PTPRA: variants seen among roughly 807,000 people sequenced by gnomAD.
The protein encoded by PTPRA is receptor-type tyrosine-protein phosphatase alpha.
A neutral mutation model predicts 104.8 loss-of-function variants in PTPRA; 25 were observed. The observed-to-expected ratio is 0.24, with a 90% CI of 0.17 to 0.33. PTPRA has a LOEUF of 0.33. Among genes scored for constraint, PTPRA ranks in the 10% least tolerant of loss-of-function variants. PTPRA has a pLI of 1.00. For missense variants in PTPRA, 765 were observed against 1,015.3 expected, an observed-to-expected ratio of 0.75 and a Z score of 3.35; for synonymous variants, 323 against 368.9, an observed-to-expected ratio of 0.88 and a Z score of 1.43.
Position 2,986,154 on chromosome 20 carries a change from G to T in PTPRA, c.443-611G>T, listed in dbSNP as rs191852290. ...ATACCTTGGCTCAAGCAATCCACCC[G>T]CTTTGTCCTCCTAAAATGCTAGGAT... is the stretch of plus-strand genomic sequence containing the variant. On this transcript the variant is annotated intron_variant, in intron 6 of 23. Transcript: ENST00000399903. Among the ~76,000 whole-genome samples, 37 of 152,084 alleles carry T rather than the reference G, an allele frequency of 2.4e-4. No individual in the cohort carries two copies. In the East Asian group the frequency reaches 6.8e-3, roughly 28 times the overall value.
At chr20:2,953,890 C>T (rs564576913) in intron 3 of PTPRA, among the ~76,000 whole-genome samples, 24 of 151,400 alleles carry the variant, frequency 1.6e-4, no homozygotes, top group African/African-American at 5.3e-4. Context: ...CATGCACAGC[C>T]AGGGTTTTGT....
chr20:2,940,363 C>G (rs6076447), intron 2 of PTPRA, among the ~76,000 whole-genome samples: 1 of 151,314 alleles, frequency 6.6e-6, no homozygotes, highest in Admixed American at 6.6e-5. Context: ...GCTGTATCGC[C>G]TAGGCTGGAC....
chr20:2,866,787 C>T, the PTPRA span: 2 of 659,620 alleles, frequency 3.0e-6, no homozygotes, highest in Non-Finnish European at 4.9e-6. Flanking sequence ...AGACAGGATC[C>T]TCCAGACACC....
intron 9 of PTPRA, among the ~76,000 whole-genome samples, chr20:2,999,356 G>C (rs912405800): frequency 1.3e-5 from 2 of 152,090 alleles, no homozygotes; most frequent in Non-Finnish European, 2.9e-5. Context: ...TTGACAAGCT[G>C]ATTCTAAAAT....
chr20:3,021,902 AGTT>A, intron 14 of PTPRA, 149 bp from the exon 15 acceptor site: 1 of 949,926 alleles, frequency 1.1e-6, no homozygotes, highest in Non-Finnish European at 1.6e-6. Context: ...GCCACTGACT[AGTT>A]GTGAGACCTT....
At chr20:2,918,557 T>TGG (rs2059992398) in intron 1 of PTPRA, among the ~76,000 whole-genome samples, 1 of 152,214 alleles carries the variant, frequency 6.6e-6, no homozygotes, top group African/African-American at 2.4e-5. Context: ...TTTTATTTCC[T>TGG]GTCTTTGGGG....
At chr20:2,998,093 T>C (rs1247765621) in intron 9 of PTPRA, among the ~76,000 whole-genome samples, 1 of 151,222 alleles carries the variant, frequency 6.6e-6, no homozygotes, top group South Asian at 2.1e-4. Context: ...GTGCTAACTT[T>C]ATAGAGCTGC....
intron 9 of PTPRA, among the ~76,000 whole-genome samples, chr20:2,994,746 G>A (rs765234708): frequency 2.6e-5 from 4 of 152,162 alleles, no homozygotes; most frequent in Non-Finnish European, 5.9e-5. Flanking sequence ...TTCCACTGGC[G>A]AGCCTAGCTC....
At chr20:2,997,179 CTG>C (rs1481678388) in intron 9 of PTPRA, among the ~76,000 whole-genome samples, 1 of 151,512 alleles carries the variant, frequency 6.6e-6, no homozygotes, top group Non-Finnish European at 1.5e-5. Flanking sequence ...ATATGTATAT[CTG>C]TGTGTGTTTG....
chr20:2,881,782 C>T (rs964611189), intron 1 of PTPRA, among the ~76,000 whole-genome samples: 17 of 152,154 alleles, frequency 1.1e-4, no homozygotes, highest in Admixed American at 3.3e-4. Flanking sequence ...GGACGGATCA[C>T]TTGAGGTCAG....
rs200834578 is a variant in PTPRA, at chr20:3,037,245, G to T, written c.2290G>T (p.Val764Phe). 6.2e-7 allele frequency: 1 copy of T among 1,614,136 alleles called. No homozygotes were observed. Among genetic ancestry groups the T allele is most frequent in the Non-Finnish European group, 8.5e-7 (1 of 1,180,044 alleles). Reference sequence around the variant, plus strand: ...GGGGATTTTGGATGTCTTCCAGACTGTCAAGAGCCTGCGGCTACAGAGGCC... The same window carrying T: ...GGGGATTTTGGATGTCTTCCAGACTTTCAAGAGCCTGCGGCTACAGAGGCC... ...AEGILDVFQT[V>F]KSLRLQRPHM... is the part of the protein sequence containing the mutation. Residue 764 changes from valine to phenylalanine, a missense_variant, in exon 23 of 24, where the codon GTC (valine) becomes TTC (phenylalanine). This residue lies in a region of PTPRA where 72 missense variants were observed against 140.7 expected (regional missense o/e 0.51). Transcript: ENST00000399903. This position sits in a 1 kb window ranked among gnomAD's most constrained non-coding sequence, Gnocchi z 4.3.
At chr20:2,988,134 C>A in intron 8 of PTPRA, 29 bp downstream of exon 8, 1 of 1,545,316 alleles carries the variant, frequency 6.5e-7, no homozygotes, top group South Asian at 1.1e-5. Context: ...TCATGGGGAA[C>A]CTTCACAAGG....
At chr20:2,947,630 C>G (rs1229991771) in intron 2 of PTPRA, among the ~76,000 whole-genome samples, 1 of 152,162 alleles carries the variant, frequency 6.6e-6, no homozygotes, top group Non-Finnish European at 1.5e-5. Flanking sequence ...CCTACCCTCC[C>G]CCATGCTTGT....
At chr20:2,867,751 C>T in the PTPRA span, among the ~76,000 whole-genome samples, 4 of 152,224 alleles carry the variant, frequency 2.6e-5, no homozygotes, top group African/African-American at 7.2e-5. Flanking sequence ...CTCACTGGAG[C>T]TTCAGGCCTC....
intron 9 of PTPRA, among the ~76,000 whole-genome samples, chr20:2,988,722 A>G (rs2063012037): frequency 6.6e-6 from 1 of 152,242 alleles, no homozygotes; most frequent in Non-Finnish European, 1.5e-5. Context: ...TGTTTAATAA[A>G]TACTTAGCAA....
At chr20:2,876,216 C>T (rs6037427) in intron 1 of PTPRA, among the ~76,000 whole-genome samples, 1 of 152,156 alleles carries the variant, frequency 6.6e-6, no homozygotes, top group Non-Finnish European at 1.5e-5. Flanking sequence ...AGAGAGAATC[C>T]TGCTCAATTT....
intron 20 of PTPRA, among the ~76,000 whole-genome samples, chr20:3,030,899 C>CA (rs1253868752): frequency 4.6e-5 from 7 of 152,038 alleles, no homozygotes; most frequent in Non-Finnish European, 1.0e-4. Flanking sequence ...ATGCTGGTCT[C>CA]AAACTCCTGA....
At chr20:2,925,133 C>T (rs995531011) in intron 2 of PTPRA, among the ~76,000 whole-genome samples, 1 of 152,122 alleles carries the variant, frequency 6.6e-6, no homozygotes, top group Non-Finnish European at 1.5e-5. Context: ...CTGTCCATCT[C>T]CAAAACTTTT....
intron 9 of PTPRA, among the ~76,000 whole-genome samples, chr20:2,992,665 A>G (rs1383307830): frequency 1.7e-5 from 1 of 58,596 alleles, no homozygotes; most frequent in Non-Finnish European, 2.8e-5. Context: ...TCATGGTCTT[A>G]TATCCATATC....
Sources: gnomAD v4.1 joint callset for allele counts (sites outside exome capture counted in the v4.1 genomes callset) on GRCh38, gnomAD v4.1.1 for gene constraint, gnomAD v4.1.1 regional missense constraint, Gnocchi (gnomAD v3.1) non-coding constraint, MANE v1.5 for transcripts, NCBI Gene and HGNC (gene_info 2026-07-23, HGNC 2026-07-21) for gene names.